SENP7: variants seen among roughly 807,000 people sequenced by gnomAD.
The protein encoded by SENP7 is SUMO specific peptidase 7.
Under a neutral mutation model 141.2 loss-of-function variants are expected in SENP7, and 64 were observed. The observed-to-expected ratio is 0.45, with a 90% CI of 0.37 to 0.56. The LOEUF is 0.56. Among genes scored for constraint, SENP7 ranks in the 20% least tolerant of loss-of-function variants. The pLI is 0.00. For synonymous variants in SENP7, 382 were observed against 426.4 expected (o/e 0.90, Z 1.28); for missense variants, 1,025 against 1,212.2 (o/e 0.85, Z 2.29).
chr3:101,417,623 G>C lies in SENP7; in HGVS notation c.452C>G (p.Pro151Arg). The change falls in exon 5 of 24, where the codon CCT (proline) becomes CGT (arginine). Residue 151 changes from proline (P) to arginine (R), a missense_variant. Pro to Arg is a moderately radical substitution (Grantham distance 103, BLOSUM62 -2). This residue lies in a region of SENP7 where 496 missense variants were observed against 503.5 expected (regional missense o/e 0.99). Coordinates refer to ENST00000394095, the MANE Select transcript of SENP7 (RefSeq NM_020654.5). ...DSLETCQKLE[P>R]LRQSLNLSER... The stretch of plus-strand genomic sequence containing the variant: ...AGATAAATTAAGGCTTTGGCGAAGA[G>C]GTTCTAATTTTTGACATGTCTCTAG... 6.2e-7 allele frequency: 1 copy of C among 1,613,848 alleles called. No homozygotes were observed. Among genetic ancestry groups the C allele is most frequent in the African/African-American group, 1.3e-5 (1 of 75,038 alleles).
At chr3:101,494,030 A>G in intron 2 of SENP7, 62 bp from the exon 3 acceptor site, 1 of 1,030,876 alleles carries the variant, frequency 9.7e-7, no homozygotes, top group Non-Finnish European at 1.5e-6. Context: ...TAATTCAGCT[A>G]ACAGAACCAC....
chr3:101,460,184 G>A (rs1305925766), intron 3 of SENP7, among the ~76,000 whole-genome samples: 1 of 152,156 alleles, frequency 6.6e-6, no homozygotes, highest in Non-Finnish European at 1.5e-5. Context: ...CCAACAGCCT[G>A]TTTTGCAGAA....
intron 1 of SENP7, among the ~76,000 whole-genome samples, chr3:101,504,118 C>A (rs1388677525): frequency 2.0e-5 from 3 of 151,948 alleles, no homozygotes; most frequent in African/African-American, 7.3e-5. Flanking sequence ...TCACTACATG[C>A]ACTTGCTGAG....
intron 3 of SENP7, among the ~76,000 whole-genome samples, chr3:101,485,537 A>G (rs1434856801): frequency 6.6e-6 from 1 of 152,154 alleles, no homozygotes; most frequent in East Asian, 1.9e-4. Context: ...GCTCACAGGA[A>G]GCCACATCCA....
chr3:101,428,923 C>T (rs1450700203), intron 4 of SENP7, among the ~76,000 whole-genome samples: 1 of 152,192 alleles, frequency 6.6e-6, no homozygotes, highest in Non-Finnish European at 1.5e-5. Context: ...AGCCAGTTTA[C>T]ACAACACCAT....
At chr3:101,367,029 C>T (rs1400720646) in intron 8 of SENP7, among the ~76,000 whole-genome samples, 1 of 152,042 alleles carries the variant, frequency 6.6e-6, no homozygotes, top group Non-Finnish European at 1.5e-5. Context: ...CTTTGTCAGA[C>T]GGTCTCCCAT....
chr3:101,429,024 G>T (rs2062063050), intron 4 of SENP7, among the ~76,000 whole-genome samples: 1 of 152,088 alleles, frequency 6.6e-6, no homozygotes, highest in Non-Finnish European at 1.5e-5. Flanking sequence ...GATTTCTGAG[G>T]CCTCTGTTCT....
chr3:101,494,217 TC>T (rs2108113418), intron 2 of SENP7, among the ~76,000 whole-genome samples: 1 of 152,310 alleles, frequency 6.6e-6, no homozygotes, highest in East Asian at 1.9e-4. Flanking sequence ...TTGTCTGCTG[TC>T]TCTTCCCCTT....
intron 3 of SENP7, among the ~76,000 whole-genome samples, chr3:101,479,915 A>AG (rs2064386754): frequency 7.3e-6 from 1 of 136,778 alleles, no homozygotes; most frequent in Non-Finnish European, 1.6e-5. Flanking sequence ...AAAAAAAAAA[A>AG]AAAAAAACAC....
chr3:101,392,769 C>T (rs1340263059), intron 6 of SENP7, among the ~76,000 whole-genome samples: 1 of 152,204 alleles, frequency 6.6e-6, no homozygotes, highest in Non-Finnish European at 1.5e-5. Context: ...GGAGGCATCA[C>T]ACTATCTGAC....
At chr3:101,351,795 T>G in intron 11 of SENP7, 144 bp from the exon 12 acceptor site, 4 of 618,978 alleles carry the variant, frequency 6.5e-6, no homozygotes, top group Non-Finnish European at 9.4e-6. Context: ...AATAAAATAT[T>G]TCACTACAAA....
At chr3:101,482,885 C>A (rs2064556585) in intron 3 of SENP7, among the ~76,000 whole-genome samples, 1 of 152,014 alleles carries the variant, frequency 6.6e-6, no homozygotes, top group South Asian at 2.1e-4. Context: ...CATATCAAAA[C>A]CACAAGGAGA....
chr3:101,329,481 C>A (rs776196765), intron 20 of SENP7, among the ~76,000 whole-genome samples: 107 of 150,242 alleles, frequency 7.1e-4, no homozygotes, highest in Non-Finnish European at 1.3e-3. Flanking sequence ...GCTATTTGTA[C>A]ATATAAAAAA....
At chr3:101,459,128 T>A (rs964718187) in intron 3 of SENP7, 76 bp from the exon 4 acceptor site, 1 of 781,298 alleles carries the variant, frequency 1.3e-6, no homozygotes, top group Non-Finnish European at 2.0e-6. Flanking sequence ...TCTTTTTTAT[T>A]TGGAAATTTG....
intron 3 of SENP7, among the ~76,000 whole-genome samples, chr3:101,486,529 T>C (rs991031056): frequency 1.3e-5 from 2 of 152,152 alleles, no homozygotes; most frequent in African/African-American, 4.8e-5. Flanking sequence ...GAAGGAAAGA[T>C]ACAGTTGTTT....
intron 4 of SENP7, among the ~76,000 whole-genome samples, chr3:101,441,843 G>A (rs1262582950): frequency 1.3e-5 from 2 of 152,140 alleles, no homozygotes; most frequent in African/African-American, 4.8e-5. Context: ...GTCTCCGTTA[G>A]AAACCACAGA....
intron 3 of SENP7, among the ~76,000 whole-genome samples, chr3:101,478,905 A>G (rs942264032): frequency 1.3e-5 from 2 of 152,234 alleles, no homozygotes; most frequent in Non-Finnish European, 2.9e-5. Flanking sequence ...AACATATGCA[A>G]ATCAATAAAC....
At chr3:101,332,630 A>T in intron 18 of SENP7, 140 bp downstream of exon 18, 1 of 475,324 alleles carries the variant, frequency 2.1e-6, no homozygotes, top group Non-Finnish European at 3.5e-6. Flanking sequence ...TCATTGCCTT[A>T]GCTACTTTTA....
intron 4 of SENP7, among the ~76,000 whole-genome samples, chr3:101,435,065 A>T (rs1576339642): frequency 1.3e-5 from 2 of 152,294 alleles, no homozygotes; most frequent in Non-Finnish European, 2.9e-5. Context: ...TAGACAGCTC[A>T]TTCATCATAA....
Sources: gnomAD v4.1 joint callset for allele counts (sites outside exome capture counted in the v4.1 genomes callset) on GRCh38, gnomAD v4.1.1 for gene constraint, gnomAD v4.1.1 regional missense constraint, MANE v1.5 for transcripts, NCBI Gene and HGNC (gene_info 2026-07-23, HGNC 2026-07-21) for gene names.